The following GPER1 variants were observed in gnomAD, a reference collection of about 807,000 sequenced individuals.
GPER1 encodes G protein-coupled estrogen receptor 1.
GPER1 carries 2 observed loss-of-function variants against 0.6 expected under a neutral mutation model. That is an observed-to-expected ratio of 3.41 (90% CI 1.39 to 10.72). The LOEUF is 10.72. GPER1 is among the 30% of genes most tolerant of loss of function. GPER1 has a pLI of 0.04. For synonymous variants in GPER1, 263 were observed against 247.6 expected, an observed-to-expected ratio of 1.06 and a Z score of -0.58; for missense variants, 441 against 535.2, an observed-to-expected ratio of 0.82 and a Z score of 1.74.
chr7:1,089,982 G>T (rs1233878214), intron 1 of GPER1, among the ~76,000 whole-genome samples: 3 of 151,732 alleles, frequency 2.0e-5, no homozygotes, highest in Non-Finnish European at 4.4e-5. Context: ...TACTCAGGAG[G>T]CTGAGGCAGG....
Position 1,093,689 on chromosome 7 carries a change from T to C in GPER1, c.*833T>C, listed in dbSNP as rs1250409960. 3.0e-5 allele frequency: 14 copies of C among 469,200 alleles called. No individual in the cohort carries two copies. Among genetic ancestry groups the C allele is most frequent in the Admixed American group, 1.9e-4 (8 of 42,540 alleles). 29.1% of individuals were successfully genotyped at this position (469,200 alleles called of 1,614,324 possible). A position where few individuals can be genotyped will look rare whatever the true frequency, so the allele number is the denominator to read the frequency against. ...AGCACCTGTGGCTGACGAATTTGTT[T>C]CTACAGAAATAACAGCTGGGGACAA... On this transcript the variant is annotated 3_prime_UTR_variant, in exon 2 of 2. Transcript: ENST00000397088.
At position 1,092,352 on chromosome 7, in the gene GPER1, C is replaced by T. The variant is rs1457224939; in HGVS notation, c.624C>T (p.Phe208=). The change falls in exon 2 of 2, where the codon TTC becomes TTT. Residue 208 remains phenylalanine, a synonymous_variant. Transcript: ENST00000397088. ...ACACCGACGAGGCCTGCTTCTGTTT[C>T]GCGGATGTCCGGGAGGTGCAGTGGC... ...LQHTDEACFC[F]ADVREVQWLE... The T allele has an allele frequency of 1.1e-5, 18 of 1,610,948 alleles. No homozygotes were observed. The highest frequency in any genetic ancestry group is 9.3e-5 in the African/African-American group (7 of 74,996).
chr7:1,092,698 T>C lies in GPER1; in HGVS notation c.970T>C (p.Tyr324His). ...FSNSCLNPLI[Y>H]SFLGETFRDK... ...CAACAGCTGCCTAAACCCCCTCATCTACAGCTTTCTCGGGGAGACCTTCAG... is the reference window on the plus strand; with the variant it reads ...CAACAGCTGCCTAAACCCCCTCATCCACAGCTTTCTCGGGGAGACCTTCAG... Residue 324 changes from tyrosine to histidine, a missense_variant, in exon 2 of 2, where the codon TAC (tyrosine) becomes CAC (histidine). By Grantham distance (83) the Tyr-to-His change is moderately conservative. Transcript: ENST00000397088. The C allele has an allele frequency of 6.2e-7, 1 of 1,613,496 alleles. No homozygotes were observed. The highest frequency in any genetic ancestry group is 1.3e-5 in the African/African-American group (1 of 75,046).
rs1189294624 is a variant in GPER1, at chr7:1,088,659, C to T, written c.-323+338C>T. Among the ~76,000 whole-genome samples, 1 of 152,220 alleles carries T rather than the reference C, an allele frequency of 6.6e-6. No homozygotes were observed. The highest frequency in any genetic ancestry group is 1.9e-4 in the East Asian group (1 of 5,196). ...GCCCACTCTGCCCTGCCCTGCGGTGCCCCAGTCACTCTCACCAACCCTGAA... is the reference window on the plus strand; with the variant it reads ...GCCCACTCTGCCCTGCCCTGCGGTGTCCCAGTCACTCTCACCAACCCTGAA... On this transcript the variant is annotated intron_variant, in intron 1 of 1. Coordinates refer to ENST00000397088, the MANE Select transcript of GPER1 (RefSeq NM_001098201.3). The surrounding 1 kb of genome is among the most constrained non-coding windows in gnomAD (Gnocchi z 4.5).
chr7:1,092,778 C>G lies in GPER1; in HGVS notation c.1050C>G (p.Arg350=). 1 of 1,613,670 alleles carries G rather than the reference C, an allele frequency of 6.2e-7. No individual in the cohort carries two copies. Among genetic ancestry groups the G allele is most frequent in the Non-Finnish European group, 8.5e-7 (1 of 1,180,018 alleles). ...AAACAAATTTGCCGGCCCTGAACCG[C>G]TTCTGTCACGCTGCCCTGAAGGCCG... The part of the protein sequence containing the change: ...EQKTNLPALN[R]FCHAALKAVI... The change falls in exon 2 of 2, where the codon CGC becomes CGG. Residue 350 remains arginine, a synonymous_variant. Coordinates refer to ENST00000397088, the MANE Select transcript of GPER1 (RefSeq NM_001098201.3).
chr7:1,092,992 G>A lies in GPER1; in HGVS notation c.*136G>A. The A allele has an allele frequency of 1.2e-6, 1 of 831,204 alleles. No homozygotes were observed. Among genetic ancestry groups the A allele is most frequent in the Non-Finnish European group, 2.0e-6 (1 of 490,126 alleles). 51.5% of individuals were successfully genotyped at this position (831,204 alleles called of 1,614,324 possible). A position where few individuals can be genotyped will look rare whatever the true frequency, so the allele number is the denominator to read the frequency against. On this transcript the variant is annotated 3_prime_UTR_variant, in exon 2 of 2. Transcript: ENST00000397088. Reference sequence around the variant, plus strand: ...TCTGGCTCCTCGGGGCCTCGCGAGGGTCACGCTTGCCTGGTCACCCTGGGG... The same window carrying A: ...TCTGGCTCCTCGGGGCCTCGCGAGGATCACGCTTGCCTGGTCACCCTGGGG...
intron 1 of GPER1, among the ~76,000 whole-genome samples, 197 bp from the exon 2 acceptor site, chr7:1,091,210 C>T (rs1471446523): frequency 2.6e-5 from 4 of 152,218 alleles, no homozygotes; most frequent in Admixed American, 2.6e-4. Context: ...GGAAAGAAGG[C>T]CATGTACTTC....
rs778212324 is a variant in GPER1, at chr7:1,092,785, C to A, written c.1057C>A (p.His353Asn). Reference sequence around the variant, plus strand: ...TTTGCCGGCCCTGAACCGCTTCTGTCACGCTGCCCTGAAGGCCGTCATTCC... The same window carrying A: ...TTTGCCGGCCCTGAACCGCTTCTGTAACGCTGCCCTGAAGGCCGTCATTCC... ...TNLPALNRFC[H>N]AALKAVIPDS... The change falls in exon 2 of 2, where the codon CAC becomes AAC. Residue 353 changes from histidine to asparagine, a missense_variant. Transcript: ENST00000397088. 1 of 1,613,638 alleles carries A rather than the reference C, an allele frequency of 6.2e-7. No homozygotes were observed. Among genetic ancestry groups the A allele is most frequent in the Non-Finnish European group, 8.5e-7 (1 of 1,180,014 alleles).
At position 1,092,521 on chromosome 7, in the gene GPER1, GTGC is replaced by G. The variant is rs760587019; in HGVS notation, c.796_798del (p.Leu266del). Reference sequence around the variant, plus strand: ...GGCGCTCCGCATGATCCTCGCGGTGGTGCTGGTCTTCTTCGTCTGCTGGCTGCC... The same window carrying G: ...GGCGCTCCGCATGATCCTCGCGGTGGTGGTCTTCTTCGTCTGCTGGCTGCC... On this transcript the variant is annotated inframe_deletion, in exon 2 of 2. Transcript: ENST00000397088. 6.2e-7 allele frequency: 1 copy of G among 1,608,238 alleles called. No individual in the cohort carries two copies. Among genetic ancestry groups the G allele is most frequent in the Admixed American group, 1.7e-5 (1 of 60,018 alleles).
In GPER1 at chr7:1,088,790, T is replaced by C. The variant is rs962550425; in HGVS notation, c.-323+469T>C. On this transcript the variant is annotated intron_variant, in intron 1 of 1. Transcript: ENST00000397088. This position sits in a 1 kb window ranked among gnomAD's most constrained non-coding sequence, Gnocchi z 4.5. Reference sequence around the variant, plus strand: ...AGCAGAGGAAATCTGAAATGAGGTATTGCACTGTTTATAACTCCATGGCCA... The same window carrying C: ...AGCAGAGGAAATCTGAAATGAGGTACTGCACTGTTTATAACTCCATGGCCA... Among the ~76,000 whole-genome samples, 3 of 152,046 alleles carry C rather than the reference T, an allele frequency of 2.0e-5. No individual in the cohort carries two copies. Among genetic ancestry groups the C allele is most frequent in the African/African-American group, 7.3e-5 (3 of 41,374 alleles).
At chr7:1,087,299 A>G (rs1344599689), upstream of GPER1, 2 of 152,232 alleles carry the variant, frequency 1.3e-5, no homozygotes, top group Admixed American at 6.5e-5. Context: ...AGGCACCGCT[A>G]ACACTCAGAG....
chr7:1,087,646 T>A (rs1353464648), upstream of GPER1, among the ~76,000 whole-genome samples: 1 of 152,234 alleles, frequency 6.6e-6, no homozygotes, highest in Non-Finnish European at 1.5e-5. Context: ...TAACCAGTAC[T>A]CAGATTCCTA....
In GPER1 at chr7:1,093,489, G is replaced by A. The variant is rs1339038470; in HGVS notation, c.*633G>A. ...TGCGGCCTCACCAGGCCCACGAGGA[G>A]CAGCAGCGCTCGGCCCGGAGCAGCA... On this transcript the variant is annotated 3_prime_UTR_variant, in exon 2 of 2. Coordinates refer to ENST00000397088, the MANE Select transcript of GPER1 (RefSeq NM_001098201.3). The A allele has an allele frequency of 8.5e-6, 4 of 470,292 alleles. No individual in the cohort carries two copies. The highest frequency in any genetic ancestry group is 1.8e-5 in the Non-Finnish European group (4 of 226,878). 29.1% of individuals were successfully genotyped at this position (470,292 alleles called of 1,614,324 possible). A position where few individuals can be genotyped will look rare whatever the true frequency, so the allele number is the denominator to read the frequency against.
In GPER1 at chr7:1,092,739, G is replaced by A; in HGVS notation, c.1011G>A (p.Leu337=). The A allele has an allele frequency of 1.2e-6, 2 of 1,613,518 alleles. No individual in the cohort carries two copies. Among genetic ancestry groups the A allele is most frequent in the East Asian group, 2.2e-5 (1 of 44,884 alleles). The change falls in exon 2 of 2, where the codon CTG becomes CTA. Residue 337 remains leucine (L), a synonymous_variant. Coordinates refer to ENST00000397088, the MANE Select transcript of GPER1 (RefSeq NM_001098201.3). ...LGETFRDKLR[L]YIEQKTNLPA... is the part of the protein sequence containing the mutation. The stretch of plus-strand genomic sequence containing the variant: ...AGACCTTCAGGGACAAGCTGAGGCT[G>A]TACATTGAGCAGAAAACAAATTTGC...
chr7:1,093,269 A>T lies in GPER1; in HGVS notation c.*413A>T, dbSNP rs1283199098. On this transcript the variant is annotated 3_prime_UTR_variant, in exon 2 of 2. Transcript: ENST00000397088. ...TCAGTTACACAGGAACCCTAAAGCA[A>T]ATCTGCCACCGTGGGGGAACTGACG... 6.7e-6 allele frequency: 3 copies of T among 445,328 alleles called. No homozygotes were observed. Among genetic ancestry groups the T allele is most frequent in the Admixed American group, 2.5e-5 (1 of 40,384 alleles). 27.6% of individuals were successfully genotyped at this position (445,328 alleles called of 1,614,324 possible). A position where few individuals can be genotyped will look rare whatever the true frequency, so the allele number is the denominator to read the frequency against.
rs1209536365 is a variant in GPER1 at position 1,088,810 on chromosome 7, T to C, written c.-323+489T>C. On this transcript the variant is annotated intron_variant, in intron 1 of 1. Coordinates refer to ENST00000397088, the MANE Select transcript of GPER1 (RefSeq NM_001098201.3). This position sits in a 1 kb window ranked among gnomAD's most constrained non-coding sequence, Gnocchi z 4.5. ...AGGTATTGCACTGTTTATAACTCCATGGCCACCTCCAGTGAGGACGTGGGG... is the reference window on the plus strand; with the variant it reads ...AGGTATTGCACTGTTTATAACTCCACGGCCACCTCCAGTGAGGACGTGGGG... Among the ~76,000 whole-genome samples, 2 of 152,070 alleles carry C rather than the reference T, an allele frequency of 1.3e-5. No homozygotes were observed. The highest frequency in any genetic ancestry group is 3.9e-4 in the East Asian group (2 of 5,180).
chr7:1,092,198 T>C lies in GPER1; in HGVS notation c.470T>C (p.Ile157Thr). Residue 157 changes from isoleucine (I) to threonine (T), a missense_variant, in exon 2 of 2, where the codon ATC becomes ACC. Coordinates refer to ENST00000397088, the MANE Select transcript of GPER1 (RefSeq NM_001098201.3). ...FLTWMSFDRY[I>T]ALARAMRCSL... The stretch of plus-strand genomic sequence containing the variant: ...ACCTGGATGAGCTTCGACCGCTACA[T>C]CGCCCTGGCCAGGGCCATGCGCTGC... 1 of 1,613,224 alleles carries C rather than the reference T, an allele frequency of 6.2e-7. No individual in the cohort carries two copies. The highest frequency in any genetic ancestry group is 8.5e-7 in the Non-Finnish European group (1 of 1,180,018).
rs762315966 is a variant in GPER1, at chr7:1,093,012, C to T, written c.*156C>T. On this transcript the variant is annotated 3_prime_UTR_variant, in exon 2 of 2. Coordinates refer to ENST00000397088, the MANE Select transcript of GPER1 (RefSeq NM_001098201.3). ...CGAGGGTCACGCTTGCCTGGTCACC[C>T]TGGGGCTGCTTAGGAAACCTCACGA... 1 of 752,758 alleles carries T rather than the reference C, an allele frequency of 1.3e-6. No homozygotes were observed. The highest frequency in any genetic ancestry group is 1.5e-5 in the South Asian group (1 of 67,548). The allele number at this position is 752,758 out of a possible 1,614,324, so 46.6% of individuals were successfully genotyped here. A position where few individuals can be genotyped will look rare whatever the true frequency, so the allele number is the denominator to read the frequency against.
In GPER1 at chr7:1,091,919, T is replaced by C. The variant is rs767887610; in HGVS notation, c.191T>C (p.Leu64Pro). 9 of 1,614,058 alleles carry C rather than the reference T, an allele frequency of 5.6e-6. No homozygotes were observed. Among genetic ancestry groups the C allele is most frequent in the Non-Finnish European group, 6.8e-6 (8 of 1,179,954 alleles). The part of the protein sequence containing the change: ...QYVIGLFLSC[L>P]YTIFLFPIGF... Reference sequence around the variant, plus strand: ...GTGATCGGCCTGTTCCTCTCGTGCCTCTACACCATCTTCCTCTTCCCCATC... The same window carrying C: ...GTGATCGGCCTGTTCCTCTCGTGCCCCTACACCATCTTCCTCTTCCCCATC... Residue 64 changes from leucine to proline, a missense_variant, in exon 2 of 2, where the codon CTC (leucine) becomes CCC (proline). By Grantham distance (98) the Leu-to-Pro change is moderately conservative. Transcript: ENST00000397088.
Sources: allele counts gnomAD v4.1 joint callset (sites outside exome capture counted in the v4.1 genomes callset), GRCh38; gene constraint gnomAD v4.1.1; non-coding constraint Gnocchi (gnomAD v3.1); transcripts MANE v1.5; gene names NCBI Gene and HGNC (gene_info 2026-07-23, HGNC 2026-07-21).